Variants in EHBP1 observed in about 807,000 individuals in gnomAD.
EHBP1 encodes EH domain binding protein 1, also known as EH domain-binding protein 1.
A neutral mutation model predicts 144.0 loss-of-function variants in EHBP1; 55 were observed. The observed-to-expected ratio is 0.38, with a 90% CI of 0.31 to 0.48. The LOEUF is 0.48. Ranked by LOEUF, EHBP1 falls within the 20% of genes least tolerant of loss-of-function variation. EHBP1 has a pLI of 0.98. For synonymous variants in EHBP1, 469 were observed against 472.7 expected (o/e 0.99, Z 0.10); for missense variants, 1,200 against 1,364.2 (o/e 0.88, Z 1.90).
chr2:63,021,787 A>G (rs1020958212), intron 19 of EHBP1, among the ~76,000 whole-genome samples: 1 of 151,712 alleles, frequency 6.6e-6, no homozygotes, highest in Non-Finnish European at 1.5e-5. Context: ...TTTTTTTTAA[A>G]ACGGAGTCTC....
At chr2:62,790,054 C>CA (rs1402028324) in intron 5 of EHBP1, among the ~76,000 whole-genome samples, 3 of 152,132 alleles carry the variant, frequency 2.0e-5, no homozygotes, top group African/African-American at 7.2e-5. Context: ...TTCAGTGAGC[C>CA]AGTCTTTGAA....
chr2:63,031,721 C>CA (rs2153346383), intron 19 of EHBP1, among the ~76,000 whole-genome samples: 1 of 152,192 alleles, frequency 6.6e-6, no homozygotes, highest in Admixed American at 6.5e-5. Context: ...TTGAAGCCAG[C>CA]AGTGTGAGAC....
intron 21 of EHBP1, among the ~76,000 whole-genome samples, chr2:63,042,527 G>A (rs1036772046): frequency 1.3e-5 from 2 of 151,890 alleles, no homozygotes. Flanking sequence ...TTTATGCTGG[G>A]ATATTTTAAA....
At chr2:62,868,966 A>C (rs1221057187) in intron 9 of EHBP1, among the ~76,000 whole-genome samples, 1 of 152,172 alleles carries the variant, frequency 6.6e-6, no homozygotes, top group Non-Finnish European at 1.5e-5. Context: ...AAAAATAATA[A>C]ATTTAAAAAT....
intron 7 of EHBP1, among the ~76,000 whole-genome samples, chr2:62,835,374 A>G (rs962114144): frequency 2.0e-4 from 30 of 152,200 alleles, no homozygotes; most frequent in African/African-American, 7.2e-4. Context: ...CTTAGAAGGT[A>G]TATAACCTAG....
At chr2:62,894,151 A>T (rs1043011494) in intron 10 of EHBP1, among the ~76,000 whole-genome samples, 2 of 152,186 alleles carry the variant, frequency 1.3e-5, no homozygotes, top group Admixed American at 1.3e-4. Context: ...ATGTGTAAGG[A>T]ACTGTCCTGC....
intron 10 of EHBP1, among the ~76,000 whole-genome samples, chr2:62,897,621 C>T (rs2053046913): frequency 6.6e-6 from 1 of 152,136 alleles, no homozygotes; most frequent in Non-Finnish European, 1.5e-5. Context: ...TTCCTGAGCT[C>T]TGCCTACTCA....
intron 1 of EHBP1, among the ~76,000 whole-genome samples, chr2:62,695,054 C>T (rs1460038281): frequency 6.6e-6 from 1 of 152,106 alleles, no homozygotes; most frequent in Non-Finnish European, 1.5e-5. Context: ...TAAAGCAATT[C>T]AAGTACAAAA....
Position 63,046,043 on chromosome 2 carries a change from A to T in EHBP1, c.*543A>T, listed in dbSNP as rs2061944385. 1 of 153,506 alleles carries T rather than the reference A, an allele frequency of 6.5e-6. No individual in the cohort carries two copies. Among genetic ancestry groups the T allele is most frequent in the Admixed American group, 6.5e-5 (1 of 15,394 alleles). 9.5% of individuals were successfully genotyped at this position (153,506 alleles called of 1,614,324 possible). ...TAAACTGTGTTCTATTTACCAGTGG[A>T]GTTTTTCTGCAGTGGTTGCGTTTCA... is the stretch of plus-strand genomic sequence containing the variant. On this transcript the variant is annotated 3_prime_UTR_variant, in exon 23 of 23. Transcript: ENST00000431489.
intron 5 of EHBP1, among the ~76,000 whole-genome samples, chr2:62,805,060 A>G (rs2044337428): frequency 6.6e-6 from 1 of 152,208 alleles, no homozygotes; most frequent in Non-Finnish European, 1.5e-5. Context: ...TAGTCATATA[A>G]AAAAGTTTTT....
At chr2:62,990,476 A>C (rs547584722) in intron 15 of EHBP1, among the ~76,000 whole-genome samples, 2 of 152,310 alleles carry the variant, frequency 1.3e-5, no homozygotes, top group South Asian at 4.1e-4. Context: ...AGCATTAGCT[A>C]CTATTTAACT....
rs1165700761 is a variant in EHBP1, at chr2:62,844,534, A to T, written c.634+13376A>T. 2.6e-5 allele frequency among the ~76,000 whole-genome samples: 4 copies of T among 152,178 alleles called. No individual in the cohort carries two copies. In the East Asian group the frequency reaches 7.7e-4, roughly 29 times the overall value. On this transcript the variant is annotated intron_variant, in intron 7 of 22. Transcript: ENST00000431489. ...AGCCAGTAGTAGAAATTATGAAACC[A>T]TATGGTTTCAGAACAATAAATACTG...
chr2:62,969,206 A>G (rs987675197), intron 14 of EHBP1, among the ~76,000 whole-genome samples: 4 of 152,176 alleles, frequency 2.6e-5, no homozygotes, highest in Non-Finnish European at 4.4e-5. Flanking sequence ...GGAGAAATAT[A>G]GTACCTACTA....
Position 63,045,323 on chromosome 2 carries a change from A to G in EHBP1, c.3393-87A>G, listed in dbSNP as rs2061911411. Reference sequence around the variant, plus strand: ...GCTCCCCATTCCCGCTGGGGATCCAAATACTGGGCGACGGGGGAGTGCTGC... The same window carrying G: ...GCTCCCCATTCCCGCTGGGGATCCAGATACTGGGCGACGGGGGAGTGCTGC... On this transcript the variant is annotated intron_variant, in intron 22 of 22. Coordinates refer to ENST00000431489, the MANE Select transcript of EHBP1 (RefSeq NM_001142616.3). The surrounding 1 kb of genome is among the most constrained non-coding windows in gnomAD (Gnocchi z 5.7). 3.5e-6 allele frequency: 5 copies of G among 1,431,590 alleles called. No individual in the cohort carries two copies. In the African/African-American group the frequency reaches 7.0e-5, roughly 20 times the overall value. 88.7% of individuals were successfully genotyped at this position (1,431,590 alleles called of 1,614,324 possible).
chr2:62,922,270 G>A (rs188563305), intron 10 of EHBP1, among the ~76,000 whole-genome samples: 44 of 152,308 alleles, frequency 2.9e-4, no homozygotes, highest in African/African-American at 9.9e-4. Flanking sequence ...ACAAAGAAGG[G>A]TTGGTCTTGC....
chr2:62,825,388 G>T (rs926768613), intron 5 of EHBP1, among the ~76,000 whole-genome samples: 6 of 152,060 alleles, frequency 3.9e-5, no homozygotes, highest in African/African-American at 7.2e-5. Flanking sequence ...TTCATTTTGT[G>T]TTCTATTTCT....
At chr2:62,831,820 TG>T (rs2046840461) in intron 7 of EHBP1, among the ~76,000 whole-genome samples, 1 of 152,218 alleles carries the variant, frequency 6.6e-6, no homozygotes, top group Admixed American at 6.5e-5. Flanking sequence ...ATTTCTGAAT[TG>T]ATGTCCCTTC....
chr2:62,673,997 G>A, exon 1 of EHBP1: 1 of 470,856 alleles, frequency 2.1e-6, no homozygotes. Flanking sequence ...CCCTGTAGCA[G>A]CAATGTGAGA....
intron 16 of EHBP1, among the ~76,000 whole-genome samples, chr2:62,992,173 T>TA (rs1449878798): frequency 6.6e-6 from 1 of 152,144 alleles, no homozygotes; most frequent in Non-Finnish European, 1.5e-5. Context: ...TTGCCAGGCC[T>TA]AAAAAAATTT....
Sources: gnomAD v4.1 joint callset for allele counts (sites outside exome capture counted in the v4.1 genomes callset) on GRCh38, gnomAD v4.1.1 for gene constraint, Gnocchi (gnomAD v3.1) non-coding constraint, MANE v1.5 for transcripts, NCBI Gene and HGNC (gene_info 2026-07-23, HGNC 2026-07-21) for gene names.